Variants in CUX1 observed in about 807,000 individuals in gnomAD.
The protein encoded by CUX1 is protein CASP.
Under a neutral mutation model 158.8 loss-of-function variants are expected in CUX1, and 31 were observed. The observed-to-expected ratio is 0.20, with a 90% CI of 0.15 to 0.26. CUX1 has a LOEUF of 0.26. Among genes scored for constraint, CUX1 ranks in the 10% least tolerant of loss-of-function variants. The pLI is 1.00. For missense variants in CUX1, 1,589 were observed against 2,014.6 expected, an observed-to-expected ratio of 0.79 and a Z score of 4.04; for synonymous variants, 879 against 862.1, an observed-to-expected ratio of 1.02 and a Z score of -0.34.
chr7:102,011,090 G>A (rs886746407), intron 2 of CUX1, among the ~76,000 whole-genome samples: 2 of 152,006 alleles, frequency 1.3e-5, no homozygotes, highest in African/African-American at 2.4e-5. Flanking sequence ...TCCAGCCTGG[G>A]CAACAAGAGC....
At chr7:102,237,618 T>A (rs987617153) in intron 22 of CUX1, among the ~76,000 whole-genome samples, 1 of 152,150 alleles carries the variant, frequency 6.6e-6, no homozygotes, top group Non-Finnish European at 1.5e-5. Context: ...TCATCTCTTC[T>A]AGGCAACTTC....
chr7:102,088,387 C>G (rs1554481226), intron 4 of CUX1, among the ~76,000 whole-genome samples: 1 of 152,090 alleles, frequency 6.6e-6, no homozygotes, highest in African/African-American at 2.4e-5. Flanking sequence ...AATCCCAACA[C>G]TTTGGGAGGC....
At chr7:101,854,225 T>C (rs1283524000) in intron 1 of CUX1, among the ~76,000 whole-genome samples, 1 of 152,220 alleles carries the variant, frequency 6.6e-6, no homozygotes, top group Non-Finnish European at 1.5e-5. Flanking sequence ...ACCAGTTTCA[T>C]AGGAAACACT....
intron 1 of CUX1, 124 bp from the exon 2 acceptor site, chr7:101,915,991 G>C: frequency 1.5e-6 from 1 of 686,348 alleles, no homozygotes; most frequent in Non-Finnish European, 2.7e-6. Context: ...CTCTGCCAAT[G>C]AGTTGATGTT....
chr7:102,158,173 C>G (rs1789995591), intron 8 of CUX1, among the ~76,000 whole-genome samples: 1 of 152,132 alleles, frequency 6.6e-6, no homozygotes, highest in Admixed American at 6.6e-5. Context: ...TACCTGTCAC[C>G]TCCTCTGCAG....
chr7:102,251,339 G>A lies in CUX1; in HGVS notation c.*2297G>A. 1 of 985,314 alleles carries A rather than the reference G, an allele frequency of 1.0e-6. No homozygotes were observed. The highest frequency in any genetic ancestry group is 1.2e-6 in the Non-Finnish European group (1 of 829,918). The allele number at this position is 985,314 out of a possible 1,614,324, so 61.0% of individuals were successfully genotyped here. ...TTAACTTGTAGGACTTTGACTGTAAGATGTGAAACCACGTTTCTTGCATGA... is the reference window on the plus strand; with the variant it reads ...TTAACTTGTAGGACTTTGACTGTAAAATGTGAAACCACGTTTCTTGCATGA... On this transcript the variant is annotated 3_prime_UTR_variant, in exon 24 of 24. Transcript: ENST00000292535.
At chr7:102,179,929 T>C (rs1429376626) in intron 11 of CUX1, among the ~76,000 whole-genome samples, 1 of 152,214 alleles carries the variant, frequency 6.6e-6, no homozygotes, top group Non-Finnish European at 1.5e-5. Flanking sequence ...ATGAATAAAG[T>C]GGGTCAGGGT....
chr7:102,199,501 C>T (rs1238946641), intron 16 of CUX1, among the ~76,000 whole-genome samples: 4 of 152,232 alleles, frequency 2.6e-5, no homozygotes, highest in Admixed American at 1.3e-4. Flanking sequence ...CCATCCTCCC[C>T]ACTTAGGAAT....
At chr7:102,211,965 C>G (rs1796586407) in intron 20 of CUX1, among the ~76,000 whole-genome samples, 1 of 152,058 alleles carries the variant, frequency 6.6e-6, no homozygotes, top group African/African-American at 2.4e-5. Context: ...AGGAAGGGCA[C>G]ATGCGCTTCT....
intron 5 of CUX1, among the ~76,000 whole-genome samples, chr7:102,099,009 A>G (rs115732552): frequency 6.6e-6 from 1 of 151,966 alleles, no homozygotes; most frequent in Non-Finnish European, 1.5e-5. Flanking sequence ...AACACTGCAG[A>G]TAGACCAGGG....
intron 9 of CUX1, among the ~76,000 whole-genome samples, chr7:102,159,176 C>A (rs61421331): frequency 3.6e-5 from 5 of 138,024 alleles, no homozygotes; most frequent in African/African-American, 5.3e-5. Flanking sequence ...GTGTTATCCT[C>A]GGAGAGTTCC....
chr7:101,995,028 T>C (rs964355580), intron 2 of CUX1, among the ~76,000 whole-genome samples: 4 of 150,978 alleles, frequency 2.6e-5, no homozygotes, highest in African/African-American at 9.8e-5. Context: ...TCCCGGGAAG[T>C]GAAGGTGCTG....
intron 2 of CUX1, among the ~76,000 whole-genome samples, chr7:101,929,258 C>T (rs994632392): frequency 7.2e-5 from 11 of 152,152 alleles, no homozygotes; most frequent in African/African-American, 2.2e-4. Context: ...GTTTCTACTG[C>T]GGACTTGAAC....
chr7:102,181,750 A>G (rs1194839096), intron 11 of CUX1, among the ~76,000 whole-genome samples: 3 of 152,206 alleles, frequency 2.0e-5, no homozygotes, highest in African/African-American at 4.8e-5. Flanking sequence ...CGAAACCCAC[A>G]TGCAGAAAGC....
chr7:101,998,227 C>T (rs1402945774), intron 2 of CUX1, among the ~76,000 whole-genome samples: 2 of 152,018 alleles, frequency 1.3e-5, no homozygotes, highest in Non-Finnish European at 2.9e-5. Flanking sequence ...CAGGGCTGTG[C>T]CCGGCTGCAG....
At chr7:102,195,447 G>C in intron 13 of CUX1, 60 bp from the exon 14 acceptor site, 2 of 1,400,094 alleles carry the variant, frequency 1.4e-6, no homozygotes, top group Non-Finnish European at 2.0e-6. Context: ...CAGGCCTGGT[G>C]GCCCCGGGAG....
intron 1 of CUX1, among the ~76,000 whole-genome samples, chr7:101,852,548 G>A (rs897026738): frequency 4.0e-5 from 6 of 151,132 alleles, no homozygotes; most frequent in African/African-American, 1.5e-4. Flanking sequence ...AACACTGAAG[G>A]TGGAGGTTGC....
intron 8 of CUX1, among the ~76,000 whole-genome samples, chr7:102,149,994 C>T (rs1029199896): frequency 4.6e-5 from 7 of 152,218 alleles, no homozygotes; most frequent in African/African-American, 1.4e-4. Context: ...TCATCACGTG[C>T]AGCCCTGGGG....
chr7:102,262,566 CT>C (rs1554544143), downstream of CUX1, among the ~76,000 whole-genome samples: 1 of 152,248 alleles, frequency 6.6e-6, no homozygotes, highest in African/African-American at 2.4e-5. Context: ...AGAGGACTGG[CT>C]GGCCCTGCCA....
Sources: allele counts gnomAD v4.1 joint callset (sites outside exome capture counted in the v4.1 genomes callset), GRCh38; gene constraint gnomAD v4.1.1; transcripts MANE v1.5; gene names NCBI Gene and HGNC (gene_info 2026-07-23, HGNC 2026-07-21).